Variants in MIA3 observed in about 807,000 individuals in gnomAD.
The protein encoded by MIA3 is transport and Golgi organization protein 1 homolog.
Under a neutral mutation model 192.4 loss-of-function variants are expected in MIA3, and 90 were observed. The ratio of observed to expected loss-of-function variants is 0.47; its 90% confidence interval spans 0.39 to 0.56. The LOEUF (loss-of-function observed/expected upper bound fraction) is 0.56, where lower values mean the gene tolerates loss of function less well. Ranked by LOEUF, MIA3 falls within the 20% of genes least tolerant of loss-of-function variation. The probability of loss-of-function intolerance (pLI) is 0.00; values close to 1 mark genes in which losing one functional copy is unlikely to be tolerated. For missense variants in MIA3, 2,123 were observed against 2,269.4 expected (o/e 0.94, Z 1.31); for synonymous variants, 740 against 792.8 (o/e 0.93, Z 1.12).
chr1:222,618,674 C>T (rs1010897026), intron 1 of MIA3, among the ~76,000 whole-genome samples: 3 of 151,696 alleles, frequency 2.0e-5, no homozygotes, highest in African/African-American at 7.2e-5. Flanking sequence ...CCAAAGCTTT[C>T]CTGCCCGCGC....
rs1279138035 is a variant in MIA3 at position 222,660,167 on chromosome 1, T to C, written c.4976-10T>C. ...GTCTTAAAATGCTAACAAGATGCTG[T>C]CATCTTTAGGTCCTCTGAGCCAGAA... On this transcript the variant is annotated splice_polypyrimidine_tract_variant and intron_variant, in intron 23 of 27. Transcript: ENST00000344922. 3.1e-6 allele frequency: 5 copies of C among 1,607,718 alleles called. No homozygotes were observed. The highest frequency in any genetic ancestry group is 4.2e-6 in the Non-Finnish European group (5 of 1,178,234).
At chr1:222,653,168 A>G in intron 14 of MIA3, 38 bp downstream of exon 14, 6 of 1,596,356 alleles carry the variant, frequency 3.8e-6, no homozygotes, top group Non-Finnish European at 5.1e-6. Flanking sequence ...ATTCTTGTGA[A>G]TTATCAAATC....
intron 13 of MIA3, 33 bp downstream of exon 13, chr1:222,652,365 A>G: frequency 1.4e-6 from 2 of 1,388,798 alleles, no homozygotes; most frequent in Non-Finnish European, 2.0e-6. Flanking sequence ...GGTCATGTAA[A>G]ATAGAGAACT....
At chr1:222,631,424 C>T (rs1171962159) in intron 4 of MIA3, among the ~76,000 whole-genome samples, 2 of 152,126 alleles carry the variant, frequency 1.3e-5, no homozygotes, top group Non-Finnish European at 1.5e-5. Flanking sequence ...CTGGTATATC[C>T]AGGCTTTTCA....
At position 222,638,630 on chromosome 1, in the gene MIA3, G is replaced by A. The variant is rs533222469; in HGVS notation, c.3477+5381G>A. Among the ~76,000 whole-genome samples the A allele has an allele frequency of 2.6e-5, 4 of 152,202 alleles. No individual in the cohort carries two copies. The South Asian group carries it at 6.2e-4, about 24-fold the overall frequency. On this transcript the variant is annotated intron_variant, in intron 6 of 27. Coordinates refer to ENST00000344922, the MANE Select transcript of MIA3 (RefSeq NM_198551.4). ...GAAGGTTGCTTGAGCCCAGGAGGTC[G>A]AGGCTGCAGTGAGCAGAGATTGTAC... is the stretch of plus-strand genomic sequence containing the variant.
At position 222,652,431 on chromosome 1, in the gene MIA3, T is replaced by C. The variant is rs534527987; in HGVS notation, c.4086+99T>C. ...AGATCTATTTTTAGGGTAATATATG[T>C]GCAGGATTCTGTTCTTAGATATGCA... On this transcript the variant is annotated intron_variant, in intron 13 of 27. Transcript: ENST00000344922. The C allele has an allele frequency of 3.7e-5, 29 of 774,936 alleles. No homozygotes were observed. In the African/African-American group the frequency reaches 4.7e-4, roughly 13 times the overall value. The allele number at this position is 774,936 out of a possible 1,614,324, so 48.0% of individuals were successfully genotyped here. A position where few individuals can be genotyped will look rare whatever the true frequency, so the allele number is the denominator to read the frequency against.
intron 18 of MIA3, among the ~76,000 whole-genome samples, chr1:222,658,024 T>C (rs1558195524): frequency 6.6e-6 from 1 of 152,222 alleles, no homozygotes; most frequent in Non-Finnish European, 1.5e-5. Context: ...CTTTACAATC[T>C]GTGTTATAGT....
At chr1:222,644,707 A>G in intron 6 of MIA3, 1 of 1,099,256 alleles carries the variant, frequency 9.1e-7, no homozygotes, top group Non-Finnish European at 1.3e-6. Context: ...AGATCCGAGG[A>G]AAGCAAGACG....
chr1:222,621,251 T>A lies in MIA3; in HGVS notation c.226T>A (p.Tyr76Asn). 6.2e-7 allele frequency: 1 copy of A among 1,613,226 alleles called. No individual in the cohort carries two copies. Among genetic ancestry groups the A allele is most frequent in the Middle Eastern group, 1.7e-4 (1 of 6,056 alleles). ...FKKGDPVYVY[Y>N]KLARGWPEVW... is the part of the protein sequence containing the mutation. ...AAAAGGTGATCCTGTATATGTTTACTATAAACTGGCAAGAGGATGGCCTGA... is the reference window on the plus strand; with the variant it reads ...AAAAGGTGATCCTGTATATGTTTACAATAAACTGGCAAGAGGATGGCCTGA... The change falls in exon 2 of 28, where the codon TAT becomes AAT. Residue 76 changes from tyrosine to asparagine, a missense_variant. This residue lies in a region of MIA3 where 1,357 missense variants were observed against 1,396.1 expected (regional missense o/e 0.97). Coordinates refer to ENST00000344922, the MANE Select transcript of MIA3 (RefSeq NM_198551.4).
At chr1:222,618,892 A>C (rs958212282) in intron 1 of MIA3, among the ~76,000 whole-genome samples, 1 of 151,742 alleles carries the variant, frequency 6.6e-6, no homozygotes, top group Non-Finnish European at 1.5e-5. Context: ...GAGTCCAAGC[A>C]CTCATTGTAT....
chr1:222,642,308 C>G (rs780796674), intron 6 of MIA3, among the ~76,000 whole-genome samples: 1 of 151,916 alleles, frequency 6.6e-6, no homozygotes, highest in Non-Finnish European at 1.5e-5. Flanking sequence ...AAAAAAAATC[C>G]TAACTTTCTT....
intron 7 of MIA3, chr1:222,645,955 CAAAG>C (rs1254233987): frequency 3.2e-6 from 1 of 312,718 alleles, no homozygotes; most frequent in Non-Finnish European, 5.9e-6. Context: ...TTTCAACTCA[CAAAG>C]GATGAAAAGA....
At chr1:222,658,373 G>A (rs559291010) in intron 18 of MIA3, among the ~76,000 whole-genome samples, 1 of 152,316 alleles carries the variant, frequency 6.6e-6, no homozygotes, top group African/African-American at 2.4e-5. Context: ...ATTATCTCCT[G>A]CATCATCCTA....
intron 18 of MIA3, among the ~76,000 whole-genome samples, chr1:222,655,248 A>G (rs1571902507): frequency 6.6e-6 from 1 of 152,280 alleles, no homozygotes; most frequent in East Asian, 1.9e-4. Context: ...TCACAGAGTA[A>G]AATATTCAAA....
At chr1:222,632,851 A>G (rs1662461767) in intron 5 of MIA3, among the ~76,000 whole-genome samples, 1 of 152,188 alleles carries the variant, frequency 6.6e-6, no homozygotes, top group Non-Finnish European at 1.5e-5. Flanking sequence ...TTCTTAAAAT[A>G]CAGTGAAGGG....
In MIA3 at chr1:222,667,372, T is replaced by C. The variant is rs1664335735; in HGVS notation, c.*1753T>C. On this transcript the variant is annotated 3_prime_UTR_variant, in exon 28 of 28. Transcript: ENST00000344922. ...TACAACTTTTGAATTTACCTGTCAATATCTCTTTAGGACACAAAACAATGC... is the reference window on the plus strand; with the variant it reads ...TACAACTTTTGAATTTACCTGTCAACATCTCTTTAGGACACAAAACAATGC... 1 of 152,220 alleles carries C rather than the reference T, an allele frequency of 6.6e-6. No homozygotes were observed. Among genetic ancestry groups the C allele is most frequent in the Admixed American group, 6.5e-5 (1 of 15,284 alleles). 9.4% of individuals were successfully genotyped at this position (152,220 alleles called of 1,614,324 possible). A position where few individuals can be genotyped will look rare whatever the true frequency, so the allele number is the denominator to read the frequency against.
In MIA3 at chr1:222,654,777, G is replaced by A; in HGVS notation, c.4591G>A (p.Glu1531Lys). Residue 1531 changes from glutamate (E) to lysine (K), a missense_variant, in exon 18 of 28, where the codon GAG (glutamate) becomes AAG (lysine). Glu to Lys is a moderately conservative substitution (Grantham distance 56, BLOSUM62 1). Coordinates refer to ENST00000344922, the MANE Select transcript of MIA3 (RefSeq NM_198551.4). ...TCTGAATGAGCTCTATCAGCAGAAG[G>A]AGATGGCTTTGCAAAAGTAAGATTA... Reference protein sequence around the residue: ...EILNELYQQKEMALQKKLSQE... With the variant: ...EILNELYQQKKMALQKKLSQE... 1 of 1,613,608 alleles carries A rather than the reference G, an allele frequency of 6.2e-7. No individual in the cohort carries two copies. The highest frequency in any genetic ancestry group is 8.5e-7 in the Non-Finnish European group (1 of 1,179,838).
Position 222,633,224 on chromosome 1 carries a change from C to T in MIA3, c.3452C>T (p.Ser1151Leu). The change falls in exon 6 of 28, where the codon TCA (serine) becomes TTA (leucine). Residue 1151 changes from serine (S) to leucine (L), a missense_variant. By Grantham distance (145) the Ser-to-Leu change is moderately radical. Coordinates refer to ENST00000344922, the MANE Select transcript of MIA3 (RefSeq NM_198551.4). ...PLENAILLIY[S>L]FMFYLTKSLV... The stretch of plus-strand genomic sequence containing the variant: ...GAAAACGCAATCCTTCTAATATATT[C>T]ATTCATGTTTTATTTAACTAAGTCG... 1 of 1,607,950 alleles carries T rather than the reference C, an allele frequency of 6.2e-7. No homozygotes were observed. The highest frequency in any genetic ancestry group is 8.5e-7 in the Non-Finnish European group (1 of 1,178,154).
intron 7 of MIA3, among the ~76,000 whole-genome samples, chr1:222,647,018 A>C (rs1477131437): frequency 6.6e-6 from 1 of 152,214 alleles, no homozygotes; most frequent in Non-Finnish European, 1.5e-5. Flanking sequence ...TGCTGCAAGG[A>C]AATACAATAA....
Sources: gnomAD v4.1 joint callset for allele counts (sites outside exome capture counted in the v4.1 genomes callset) on GRCh38, gnomAD v4.1.1 for gene constraint, gnomAD v4.1.1 regional missense constraint, MANE v1.5 for transcripts, NCBI Gene and HGNC (gene_info 2026-07-23, HGNC 2026-07-21) for gene names.